Variants in ARL5B observed in about 807,000 individuals in gnomAD.
ARL5B encodes ARF like GTPase 5B.
ARL5B carries 10 observed loss-of-function variants against 26.9 expected under a neutral mutation model. The ratio of observed to expected loss-of-function variants is 0.37; its 90% CI spans 0.23 to 0.63. The LOEUF is 0.63. ARL5B is among the 30% of genes least tolerant of loss of function. The pLI is 0.62. For synonymous variants in ARL5B, 87 were observed against 70.4 expected (o/e 1.24, Z -1.18); for missense variants, 167 against 213.9 (o/e 0.78, Z 1.37).
chr10:18,669,764 G>T (rs1271366930), intron 3 of ARL5B, among the ~76,000 whole-genome samples: 1 of 151,996 alleles, frequency 6.6e-6, no homozygotes, highest in Non-Finnish European at 1.5e-5. Context: ...AGGCCGAGGC[G>T]GGTGGATCAT....
intron 3 of ARL5B, among the ~76,000 whole-genome samples, chr10:18,670,053 T>C (rs1461510628): frequency 6.6e-6 from 1 of 150,936 alleles, no homozygotes; most frequent in Non-Finnish European, 1.5e-5. Context: ...GGATATAATA[T>C]GAATAATTTT....
intron 3 of ARL5B, among the ~76,000 whole-genome samples, chr10:18,671,190 T>TTTTA (rs1255864701): frequency 6.6e-6 from 1 of 152,162 alleles, no homozygotes. Context: ...TATTTTTGTT[T>TTTTA]TTTATTTATT....
rs960130546 is a variant in ARL5B at position 18,668,545 on chromosome 10, G to A, written c.123G>A (p.Val41=). Residue 41 remains valine (V), a synonymous_variant, in exon 3 of 6, where the codon GTG becomes GTA. Transcript: ENST00000377275. ...TILYQFLMNE[V]VHTSPTIGSN... ...TTTTCAACAGCTTAATGAATGAAGT[G>A]GTTCATACTTCTCCAACCATAGGAA... The A allele has an allele frequency of 2.5e-6, 4 of 1,613,892 alleles. No individual in the cohort carries two copies. Among genetic ancestry groups the A allele is most frequent in the African/African-American group, 2.7e-5 (2 of 74,986 alleles).
intron 1 of ARL5B, 26 bp from the exon 2 acceptor site, chr10:18,666,549 G>A: frequency 6.3e-7 from 1 of 1,580,842 alleles, no homozygotes; most frequent in East Asian, 2.3e-5. Flanking sequence ...AGTGTTAAAT[G>A]TTTATGATTT....
chr10:18,665,467 T>C (rs1411795381), intron 1 of ARL5B, among the ~76,000 whole-genome samples: 1 of 152,214 alleles, frequency 6.6e-6, no homozygotes, highest in Non-Finnish European at 1.5e-5. Context: ...TAATAGGCTG[T>C]ATCTAGAGTG....
chr10:18,675,623 C>G lies in ARL5B; in HGVS notation c.*407C>G, dbSNP rs144065833. On this transcript the variant is annotated 3_prime_UTR_variant, in exon 6 of 6. Coordinates refer to ENST00000377275, the MANE Select transcript of ARL5B (RefSeq NM_178815.5). ...TGGTTTGATAGAGTAGTCTTGGAAA[C>G]CATCAGGTACTGCCTGCAGACTTCT... 3.3e-3 allele frequency: 593 copies of G among 182,372 alleles called. 4 individuals are homozygous for G. Among genetic ancestry groups the G allele is most frequent in the African/African-American group, 0.013 (539 of 42,388 alleles). 11.3% of individuals were successfully genotyped at this position (182,372 alleles called of 1,614,324 possible). A position where few individuals can be genotyped will look rare whatever the true frequency, so the allele number is the denominator to read the frequency against.
At position 18,678,331 on chromosome 10, in the gene ARL5B, A is replaced by C. The variant is rs2059918740; in HGVS notation, c.*3115A>C. 6.6e-6 allele frequency: 1 copy of C among 151,378 alleles called. No homozygotes were observed. Among genetic ancestry groups the C allele is most frequent in the African/African-American group, 2.4e-5 (1 of 41,244 alleles). 9.4% of individuals were successfully genotyped at this position (151,378 alleles called of 1,614,324 possible). ...AAAAATTTTAAATGAGTGCCACCCCATAGCCATAGTCATTTTGATTAAGCA... is the reference window on the plus strand; with the variant it reads ...AAAAATTTTAAATGAGTGCCACCCCCTAGCCATAGTCATTTTGATTAAGCA... On this transcript the variant is annotated 3_prime_UTR_variant, in exon 6 of 6. Transcript: ENST00000377275.
intron 1 of ARL5B, among the ~76,000 whole-genome samples, chr10:18,664,022 C>T (rs1183994099): frequency 2.0e-5 from 3 of 151,956 alleles, no homozygotes; most frequent in Non-Finnish European, 2.9e-5. Flanking sequence ...GGTGCAATCT[C>T]AGCTCACTGC....
Position 18,677,843 on chromosome 10 carries a change from GCA to G in ARL5B, c.*2630_*2631del, listed in dbSNP as rs2059916813. On this transcript the variant is annotated 3_prime_UTR_variant, in exon 6 of 6. Transcript: ENST00000377275. ...CCCCTTCACCTCCATGTATTGGTTA[GCA>G]CAGTTTATAGTAAGTGAAAAGCAAG... 6.6e-6 allele frequency: 1 copy of G among 152,130 alleles called. No homozygotes were observed. Among genetic ancestry groups the G allele is most frequent in the South Asian group, 2.1e-4 (1 of 4,830 alleles). 9.4% of individuals were successfully genotyped at this position (152,130 alleles called of 1,614,324 possible). A position where few individuals can be genotyped will look rare whatever the true frequency, so the allele number is the denominator to read the frequency against.
rs2059916166 is a variant in ARL5B, at chr10:18,677,697, T to C, written c.*2481T>C. On this transcript the variant is annotated 3_prime_UTR_variant, in exon 6 of 6. Transcript: ENST00000377275. ...AAGATACTGTCTAAAAAATGTACATTTGTAATTAGTGCCTTTATTCATATT... is the reference window on the plus strand; with the variant it reads ...AAGATACTGTCTAAAAAATGTACATCTGTAATTAGTGCCTTTATTCATATT... 1 of 152,316 alleles carries C rather than the reference T, an allele frequency of 6.6e-6. No individual in the cohort carries two copies. The highest frequency in any genetic ancestry group is 1.9e-4 in the East Asian group (1 of 5,202). The allele number at this position is 152,316 out of a possible 1,614,324, so 9.4% of individuals were successfully genotyped here.
At chr10:18,674,214 G>A (rs2059900618) in intron 5 of ARL5B, 79 bp downstream of exon 5, 96 of 1,366,614 alleles carry the variant, frequency 7.0e-5, no homozygotes, top group Non-Finnish European at 9.3e-5. Flanking sequence ...TTTTCTTCAT[G>A]GGTCCTGTTC....
Position 18,659,484 on chromosome 10 carries a change from A to T in ARL5B, c.-154A>T, listed in dbSNP as rs926474521. ...TGGGGATTCGTCGCGGCGCCTTCTGAGTGGTCGGGTCGAGGCTTCTCGGCC... is the reference window on the plus strand; with the variant it reads ...TGGGGATTCGTCGCGGCGCCTTCTGTGTGGTCGGGTCGAGGCTTCTCGGCC... On this transcript the variant is annotated 5_prime_UTR_variant, in exon 1 of 6. Coordinates refer to ENST00000377275, the MANE Select transcript of ARL5B (RefSeq NM_178815.5). 70 of 967,810 alleles carry T rather than the reference A, an allele frequency of 7.2e-5. No homozygotes were observed. Among genetic ancestry groups the T allele is most frequent in the Non-Finnish European group, 9.0e-5 (62 of 689,704 alleles). The allele number at this position is 967,810 out of a possible 1,614,324, so 60.0% of individuals were successfully genotyped here. A position where few individuals can be genotyped will look rare whatever the true frequency, so the allele number is the denominator to read the frequency against.
rs774945318 is a variant in ARL5B at position 18,672,624 on chromosome 10, C to T, written c.258C>T (p.Phe86=). ...SWNTYYSNTE[F]IILVVDSIDR... is the part of the protein sequence containing the mutation. Reference sequence around the variant, plus strand: ...CTTTCCTTTTAATTTTCTTCTAGTTCATCATTCTTGTTGTTGATAGCATTG... The same window carrying T: ...CTTTCCTTTTAATTTTCTTCTAGTTTATCATTCTTGTTGTTGATAGCATTG... Residue 86 remains phenylalanine, a splice_region_variant and synonymous_variant, in exon 4 of 6, where the codon TTC becomes TTT. Transcript: ENST00000377275. 7 of 1,603,864 alleles carry T rather than the reference C, an allele frequency of 4.4e-6. No individual in the cohort carries two copies. The Admixed American group carries it at 5.1e-5, about 12-fold the overall frequency.
chr10:18,659,738 C>T, intron 1 of ARL5B, 55 bp downstream of exon 1: 23 of 1,594,006 alleles, frequency 1.4e-5, no homozygotes, highest in Middle Eastern at 1.7e-4. Flanking sequence ...GGTCCCGCCG[C>T]CGATGGGGAC....
rs531183610 is a variant in ARL5B, at chr10:18,667,399, T to G, written c.107+764T>G. 8.5e-5 allele frequency among the ~76,000 whole-genome samples: 13 copies of G among 152,316 alleles called. No individual in the cohort carries two copies. The South Asian group carries it at 2.7e-3, about 32-fold the overall frequency. On this transcript the variant is annotated intron_variant, in intron 2 of 5. Transcript: ENST00000377275. ...AAGCTACTGACTTAAAGTTTGTTGT[T>G]TCAGAGTTGAACAACTACTTGTTTC...
At position 18,675,273 on chromosome 10, in the gene ARL5B, A is replaced by C; in HGVS notation, c.*57A>C. 2.6e-6 allele frequency: 4 copies of C among 1,543,232 alleles called. No homozygotes were observed. Among genetic ancestry groups the C allele is most frequent in the Non-Finnish European group, 9.0e-7 (1 of 1,116,372 alleles). ...TTCTGTGACATGAACATTTTTTCCTAGTACCTTTGGCTGCTAAGGCAGCAG... is the reference window on the plus strand; with the variant it reads ...TTCTGTGACATGAACATTTTTTCCTCGTACCTTTGGCTGCTAAGGCAGCAG... On this transcript the variant is annotated 3_prime_UTR_variant, in exon 6 of 6. Transcript: ENST00000377275.
At position 18,659,596 on chromosome 10, in the gene ARL5B, A is replaced by C; in HGVS notation, c.-42A>C. ...GCGGTGGGGGACCCGGCGCAGCGGC[A>C]CCTGCTGCCGAGGGACCCCGCGGCC... On this transcript the variant is annotated 5_prime_UTR_variant, in exon 1 of 6. Coordinates refer to ENST00000377275, the MANE Select transcript of ARL5B (RefSeq NM_178815.5). The C allele has an allele frequency of 6.3e-7, 1 of 1,591,748 alleles. No individual in the cohort carries two copies. The highest frequency in any genetic ancestry group is 1.7e-4 in the Middle Eastern group (1 of 5,898).
chr10:18,660,476 GT>G (rs1564861898), intron 1 of ARL5B, among the ~76,000 whole-genome samples: 1 of 152,198 alleles, frequency 6.6e-6, no homozygotes, highest in Non-Finnish European at 1.5e-5. Flanking sequence ...TGGTTTCTTA[GT>G]AATTGAAACC....
chr10:18,668,764 A>C (rs960411339), intron 3 of ARL5B, 87 bp downstream of exon 3: 2 of 1,283,478 alleles, frequency 1.6e-6, no homozygotes, highest in South Asian at 1.6e-5. Context: ...GCGTATTGAC[A>C]GTTGCCTTTT....
Sources: gnomAD v4.1 joint callset for allele counts (sites outside exome capture counted in the v4.1 genomes callset) on GRCh38, gnomAD v4.1.1 for gene constraint, MANE v1.5 for transcripts, NCBI Gene and HGNC (gene_info 2026-07-23, HGNC 2026-07-21) for gene names.